The following EIF4G3 variants were observed in gnomAD, a reference collection of about 807,000 sequenced individuals.
EIF4G3 encodes the protein eIF-4-gamma 3.
In EIF4G3, 34 loss-of-function variants were observed where a neutral mutation model predicts 186.4. That is an observed-to-expected ratio of 0.18 (90% CI 0.14 to 0.24). The LOEUF is 0.24. Among genes scored for constraint, EIF4G3 ranks in the 10% least tolerant of loss-of-function variants. EIF4G3 has a pLI of 1.00. For missense variants in EIF4G3, 1,536 were observed against 1,948.5 expected (o/e 0.79, Z 3.99); for synonymous variants, 673 against 679.5 (o/e 0.99, Z 0.15).
intron 4 of EIF4G3, among the ~76,000 whole-genome samples, chr1:21,031,194 C>CACAACA (rs545461731): frequency 1.3e-5 from 2 of 149,584 alleles, no homozygotes; most frequent in South Asian, 2.1e-4. Flanking sequence ...AAAAAAAAAA[C>CACAACA]ACAACAACAA....
At chr1:21,002,016 C>T (rs2083640628) in intron 5 of EIF4G3, among the ~76,000 whole-genome samples, 2 of 152,132 alleles carry the variant, frequency 1.3e-5, no homozygotes, top group Non-Finnish European at 2.9e-5. Flanking sequence ...ACCTTCTAGC[C>T]AAAGCTAATC....
intron 33 of EIF4G3, 142 bp from the exon 34 acceptor site, chr1:20,817,680 A>AAT (rs2061402161): frequency 4.5e-6 from 1 of 219,812 alleles, no homozygotes; most frequent in African/African-American, 2.7e-5. Flanking sequence ...TTATGTTTGT[A>AAT]GTTTTTTTTT....
intron 3 of EIF4G3, among the ~76,000 whole-genome samples, chr1:21,060,782 GAAAAAAAAAAA>G (rs34598369): frequency 1.0e-4 from 12 of 117,340 alleles, no homozygotes; most frequent in East Asian, 3.5e-4. Context: ...TGTCTCTTAA[GAAAAAAAAAAA>G]AAAAAAAAAA....
intron 4 of EIF4G3, among the ~76,000 whole-genome samples, chr1:21,023,042 C>T (rs1045211009): frequency 6.6e-6 from 1 of 152,174 alleles, no homozygotes; most frequent in African/African-American, 2.4e-5. Context: ...GAAAAAAACT[C>T]TCAAACTATA....
At chr1:20,928,474 C>T (rs1259886469) in intron 14 of EIF4G3, among the ~76,000 whole-genome samples, 1 of 150,788 alleles carries the variant, frequency 6.6e-6, no homozygotes, top group Admixed American at 6.6e-5. Context: ...GTGATCTCGG[C>T]TCACTGCAAC....
At chr1:20,862,354 G>A in intron 22 of EIF4G3, 22 bp from the exon 23 acceptor site, 1 of 1,378,114 alleles carries the variant, frequency 7.3e-7, no homozygotes. Flanking sequence ...AAAATCATTA[G>A]TACTCCTGTC....
At chr1:21,082,678 G>C (rs949689438) in intron 3 of EIF4G3, among the ~76,000 whole-genome samples, 4 of 152,086 alleles carry the variant, frequency 2.6e-5, no homozygotes, top group Non-Finnish European at 5.9e-5. Flanking sequence ...GAGGTGAGAG[G>C]ATCAATTGAA....
intron 2 of EIF4G3, among the ~76,000 whole-genome samples, chr1:21,106,548 G>A (rs914735549): frequency 1.3e-5 from 2 of 152,206 alleles, no homozygotes; most frequent in Admixed American, 6.5e-5. Context: ...TGAAATAGAA[G>A]TAGAAAGGAA....
At chr1:20,909,188 T>A (rs537764898) in intron 14 of EIF4G3, among the ~76,000 whole-genome samples, 39 of 152,064 alleles carry the variant, frequency 2.6e-4, no homozygotes, top group Non-Finnish European at 4.9e-4. Flanking sequence ...AACTTTTATG[T>A]AAAATTGTTG....
At chr1:21,162,791 T>C (rs2097787907) in intron 2 of EIF4G3, among the ~76,000 whole-genome samples, 1 of 152,152 alleles carries the variant, frequency 6.6e-6, no homozygotes, top group Non-Finnish European at 1.5e-5. Context: ...TTGTCTAAGC[T>C]ATGTAATGGT....
At chr1:20,828,602 TA>T (rs2064264726) in intron 31 of EIF4G3, among the ~76,000 whole-genome samples, 1 of 152,232 alleles carries the variant, frequency 6.6e-6, no homozygotes, top group Non-Finnish European at 1.5e-5. Flanking sequence ...AAAGTTTGAC[TA>T]TATAAACAAC....
At chr1:20,924,641 C>T (rs2094737403) in intron 14 of EIF4G3, among the ~76,000 whole-genome samples, 1 of 152,204 alleles carries the variant, frequency 6.6e-6, no homozygotes, top group African/African-American at 2.4e-5. Flanking sequence ...TGTCGGCTTA[C>T]TGCCAACTCA....
intron 4 of EIF4G3, among the ~76,000 whole-genome samples, chr1:21,010,933 CCA>C (rs889426106): frequency 5.3e-5 from 8 of 152,146 alleles, no homozygotes; most frequent in African/African-American, 9.7e-5. Flanking sequence ...ACAGTGTGGT[CCA>C]CAGAGTCCTG....
chr1:21,106,397 T>C (rs1213406866), intron 2 of EIF4G3, among the ~76,000 whole-genome samples: 1 of 151,930 alleles, frequency 6.6e-6, no homozygotes, highest in African/African-American at 2.4e-5. Context: ...AAAGGACTAG[T>C]TTAGATAGTA....
In EIF4G3 at chr1:20,956,243, C is replaced by G. The variant is rs79015121; in HGVS notation, c.715-6132G>C. Among the ~76,000 whole-genome samples, 905 of 152,248 alleles carry G rather than the reference C, an allele frequency of 5.9e-3. 15 individuals carry two copies. The highest frequency in any genetic ancestry group is 0.024 in the East Asian group (125 of 5,186). ...AGTTCCCATAATCCCCATTACACAC[C>G]TCAAAAATTCTATGAATATGGACTT... is the stretch of plus-strand genomic sequence containing the variant. On this transcript the variant is annotated intron_variant, in intron 12 of 36. Transcript: ENST00000602326.
intron 36 of EIF4G3, among the ~76,000 whole-genome samples, chr1:20,808,192 A>T (rs1369772894): frequency 6.6e-6 from 1 of 151,952 alleles, no homozygotes; most frequent in Non-Finnish European, 1.5e-5. Flanking sequence ...CCCAATCTGA[A>T]CTATCTTCTG....
intron 10 of EIF4G3, 99 bp from the exon 11 acceptor site, chr1:20,973,198 G>A (rs2076232657): frequency 4.7e-6 from 4 of 852,560 alleles, no homozygotes; most frequent in Non-Finnish European, 7.3e-6. Flanking sequence ...CCTTAAAAGG[G>A]TAAAAACAAA....
chr1:21,004,641 T>C (rs978092255), intron 4 of EIF4G3, among the ~76,000 whole-genome samples: 6 of 152,194 alleles, frequency 3.9e-5, no homozygotes, highest in Non-Finnish European at 8.8e-5. Flanking sequence ...CTGAAAAATT[T>C]AAGTATCTTA....
chr1:20,819,685 G>A (rs1001094024), intron 33 of EIF4G3, among the ~76,000 whole-genome samples: 2 of 152,044 alleles, frequency 1.3e-5, no homozygotes, highest in Non-Finnish European at 2.9e-5. Context: ...CCTATCAGAG[G>A]GCAGAGGTTG....
Sources: allele counts gnomAD v4.1 joint callset (sites outside exome capture counted in the v4.1 genomes callset), GRCh38; gene constraint gnomAD v4.1.1; transcripts MANE v1.5; gene names NCBI Gene and HGNC (gene_info 2026-07-23, HGNC 2026-07-21).